The following KCNMA1 variants were observed in gnomAD, a reference collection of about 807,000 sequenced individuals.
KCNMA1 encodes potassium calcium-activated channel subfamily M alpha 1.
KCNMA1 carries 29 observed loss-of-function variants against 140.0 expected under a neutral mutation model. The observed-to-expected ratio is 0.21, with a 90% confidence interval of 0.15 to 0.28. The LOEUF (loss-of-function observed/expected upper bound fraction) is 0.28, where lower values mean the gene tolerates loss of function less well. KCNMA1 is among the 10% of genes least tolerant of loss of function. The pLI is 1.00. For missense variants in KCNMA1, 880 were observed against 1,602.2 expected (o/e 0.55, Z 7.70); for synonymous variants, 612 against 611.9 (o/e 1.00, Z 0.00).
chr10:77,404,296 T>C (rs539715708), intron 1 of KCNMA1, among the ~76,000 whole-genome samples: 1 of 152,322 alleles, frequency 6.6e-6, no homozygotes, highest in Non-Finnish European at 1.5e-5. Flanking sequence ...TTTTATTTTT[T>C]GAGATGAAGT....
chr10:77,619,011 G>C (rs1175551168), intron 1 of KCNMA1, among the ~76,000 whole-genome samples: 1 of 152,284 alleles, frequency 6.6e-6, no homozygotes, highest in African/African-American at 2.4e-5. Context: ...GCTGGGTGTG[G>C]AGAGCTTGGG....
intron 1 of KCNMA1, among the ~76,000 whole-genome samples, chr10:77,406,308 G>A (rs571384357): frequency 4.0e-5 from 5 of 123,744 alleles, no homozygotes; most frequent in African/African-American, 1.2e-4. Context: ...CTCTGCCACC[G>A]CTGTGGGACC....
intron 5 of KCNMA1, among the ~76,000 whole-genome samples, chr10:77,154,978 A>T (rs2098466134): frequency 6.6e-6 from 1 of 152,174 alleles, no homozygotes; most frequent in Non-Finnish European, 1.5e-5. Context: ...GAAGGGAGAG[A>T]GTGGGCCATC....
At chr10:77,443,997 A>G (rs1233254135) in intron 1 of KCNMA1, among the ~76,000 whole-genome samples, 1 of 152,234 alleles carries the variant, frequency 6.6e-6, no homozygotes, top group Non-Finnish European at 1.5e-5. Flanking sequence ...TTATATGACT[A>G]TATTAAATAT....
chr10:77,071,278 T>G (rs1419165679), intron 14 of KCNMA1: 1 of 152,182 alleles, frequency 6.6e-6, no homozygotes, highest in Non-Finnish European at 1.5e-5. Context: ...CTAGTTACCA[T>G]GCAGGCACCA....
At chr10:77,587,851 T>G (rs1304029135) in intron 1 of KCNMA1, 1 of 985,316 alleles carries the variant, frequency 1.0e-6, no homozygotes, top group Non-Finnish European at 1.2e-6. Flanking sequence ...ACGGCCCCAG[T>G]CTTCAGATAT....
At chr10:77,385,863 A>C (rs986094749) in intron 2 of KCNMA1, among the ~76,000 whole-genome samples, 1 of 152,216 alleles carries the variant, frequency 6.6e-6, no homozygotes, top group African/African-American at 2.4e-5. Flanking sequence ...ATCTGGCAAT[A>C]GCATGAAAGA....
chr10:77,353,638 A>T (rs2093151243), intron 2 of KCNMA1, among the ~76,000 whole-genome samples: 2 of 152,010 alleles, frequency 1.3e-5, no homozygotes, highest in African/African-American at 4.8e-5. Context: ...AAATGAGTTA[A>T]ATGAGGATTA....
At chr10:77,522,939 A>G (rs1439246310) in intron 1 of KCNMA1, among the ~76,000 whole-genome samples, 1 of 152,140 alleles carries the variant, frequency 6.6e-6, no homozygotes, top group Non-Finnish European at 1.5e-5. Flanking sequence ...CATTTTTCAC[A>G]TCATAAATGT....
chr10:77,596,423 C>G (rs1200274785), intron 1 of KCNMA1, among the ~76,000 whole-genome samples: 1 of 152,162 alleles, frequency 6.6e-6, no homozygotes, highest in African/African-American at 2.4e-5. Context: ...GGGACATGGC[C>G]TAAATGTCCA....
At chr10:77,625,950 C>T (rs2092446310) in intron 1 of KCNMA1, among the ~76,000 whole-genome samples, 1 of 152,104 alleles carries the variant, frequency 6.6e-6, no homozygotes, top group African/African-American at 2.4e-5. Flanking sequence ...GCATCTGTAC[C>T]ACTTTGCATT....
chr10:76,883,168 C>A (rs1385997910), downstream of KCNMA1, among the ~76,000 whole-genome samples: 1 of 152,114 alleles, frequency 6.6e-6, no homozygotes, highest in East Asian at 1.9e-4. Context: ...TTCTCAGAAG[C>A]CATGTGACCA....
intron 19 of KCNMA1, among the ~76,000 whole-genome samples, chr10:76,984,478 C>T (rs1353515861): frequency 6.6e-6 from 1 of 152,172 alleles, no homozygotes; most frequent in Admixed American, 6.5e-5. Flanking sequence ...ACGTGAGCCA[C>T]TGCACCCAGC....
intron 1 of KCNMA1, among the ~76,000 whole-genome samples, chr10:77,598,809 G>C (rs1230886115): frequency 6.6e-6 from 1 of 152,222 alleles, no homozygotes; most frequent in East Asian, 1.9e-4. Flanking sequence ...TGTGGCTCAT[G>C]AAAGACACTA....
At chr10:77,163,044 T>C (rs1260284816) in intron 5 of KCNMA1, among the ~76,000 whole-genome samples, 4 of 152,190 alleles carry the variant, frequency 2.6e-5, no homozygotes, top group Non-Finnish European at 5.9e-5. Context: ...CTCAAACATA[T>C]GGATAAATGA....
chr10:77,090,302 T>A (rs2096783048), intron 10 of KCNMA1, 98 bp downstream of exon 10: 1 of 868,796 alleles, frequency 1.2e-6, no homozygotes, highest in Non-Finnish European at 2.0e-6. Flanking sequence ...CCATCCCCAG[T>A]GCCATTCCCC....
exon 28 of KCNMA1, chr10:76,870,136 G>C (rs2030961711): frequency 6.5e-6 from 1 of 152,826 alleles, no homozygotes. Flanking sequence ...CGGAAGGAAG[G>C]GGAGGAGAGC....
At chr10:77,265,922 A>G (rs964317367) in intron 2 of KCNMA1, among the ~76,000 whole-genome samples, 2 of 152,118 alleles carry the variant, frequency 1.3e-5, no homozygotes, top group African/African-American at 4.8e-5. Context: ...TTCTATAAAA[A>G]ATACAAAAAT....
chr10:77,471,625 C>T (rs2098154472), intron 1 of KCNMA1, among the ~76,000 whole-genome samples: 1 of 149,672 alleles, frequency 6.7e-6, no homozygotes, highest in Admixed American at 6.7e-5. Context: ...CATATACATA[C>T]ATAATACACA....
Sources: gnomAD v4.1 joint callset for allele counts (sites outside exome capture counted in the v4.1 genomes callset) on GRCh38, gnomAD v4.1.1 for gene constraint, MANE v1.5 for transcripts, NCBI Gene and HGNC (gene_info 2026-07-23, HGNC 2026-07-21) for gene names.